Variants in GRXCR2 observed in about 807,000 individuals in gnomAD.
GRXCR2 encodes the protein glutaredoxin domain-containing cysteine-rich protein 2.
Under a neutral mutation model 24.8 loss-of-function variants are expected in GRXCR2, and 23 were observed. The ratio of observed to expected loss-of-function variants is 0.93; its 90% CI spans 0.67 to 1.32. The LOEUF is 1.32. Among genes scored for constraint, GRXCR2 ranks in the 40% most tolerant of loss-of-function variants. GRXCR2 has a pLI of 0.00. For missense variants in GRXCR2, 315 were observed against 303.4 expected, an observed-to-expected ratio of 1.04 and a Z score of -0.28; for synonymous variants, 130 against 116.1, an observed-to-expected ratio of 1.12 and a Z score of -0.77.
At chr5:145,885,771 G>A (rs148767229) in intron 2 of GRXCR2, among the ~76,000 whole-genome samples, 2 of 152,204 alleles carry the variant, frequency 1.3e-5, no homozygotes, top group African/African-American at 2.4e-5. Flanking sequence ...TCAGTATTCC[G>A]AGGAAAATAG....
intron 2 of GRXCR2, among the ~76,000 whole-genome samples, chr5:145,929,198 CCTATATATATATAT>C (rs564685026): frequency 0.011 from 991 of 88,390 alleles, 40 homozygotes; most frequent in Non-Finnish European, 0.016. Context: ...AATATTCCCC[CCTATATATATATAT>C]ATATATATAT....
chr5:145,901,637 G>C (rs1030303522), intron 2 of GRXCR2, among the ~76,000 whole-genome samples: 30 of 152,110 alleles, frequency 2.0e-4, no homozygotes, highest in African/African-American at 7.0e-4. Flanking sequence ...GGGGTAAATT[G>C]CAACTAAAAA....
chr5:145,917,258 C>T (rs762616100), intron 2 of GRXCR2, among the ~76,000 whole-genome samples: 32 of 151,724 alleles, frequency 2.1e-4, no homozygotes, highest in Admixed American at 5.3e-4. Flanking sequence ...AAGGCACACA[C>T]GGCTCAGAAA....
Position 145,917,879 on chromosome 5 carries a change from A to G in GRXCR2, c.-70+17822T>C, listed in dbSNP as rs28547334. On this transcript the variant is annotated intron_variant, in intron 2 of 3. Coordinates refer to the GRXCR2 transcript ENST00000639411. The stretch of plus-strand genomic sequence containing the variant: ...ACTGCAACCTCCGCCTCCTGGGTTC[A>G]AGTGATTCTCCTGCCTCAGCCTCCC... Among the ~76,000 whole-genome samples the G allele has an allele frequency of 2.4e-3, 365 of 152,324 alleles. 1 individual carries two copies. The highest frequency in any genetic ancestry group is 8.2e-3 in the African/African-American group (343 of 41,578).
chr5:145,868,390 C>T (rs1021230004), intron 1 of GRXCR2, among the ~76,000 whole-genome samples: 1 of 152,166 alleles, frequency 6.6e-6, no homozygotes, highest in African/African-American at 2.4e-5. Context: ...AATATTCAGG[C>T]TCTCTTTCTT....
At chr5:145,882,575 G>C (rs905553043) in intron 2 of GRXCR2, among the ~76,000 whole-genome samples, 4 of 152,182 alleles carry the variant, frequency 2.6e-5, no homozygotes, top group African/African-American at 7.2e-5. Flanking sequence ...CTGTTGGTGG[G>C]ACTGTAAACT....
At chr5:145,869,901 T>G (rs1358465191) in intron 1 of GRXCR2, among the ~76,000 whole-genome samples, 1 of 152,044 alleles carries the variant, frequency 6.6e-6, no homozygotes, top group African/African-American at 2.4e-5. Context: ...CAACAACTCT[T>G]AAGCAACTCC....
intron 2 of GRXCR2, among the ~76,000 whole-genome samples, chr5:145,913,805 G>T (rs7714798): frequency 6.6e-6 from 1 of 152,016 alleles, no homozygotes; most frequent in East Asian, 1.9e-4. Flanking sequence ...TTACAGGCAG[G>T]CATGAGACCA....
chr5:145,909,955 A>T (rs999207750), intron 2 of GRXCR2, among the ~76,000 whole-genome samples: 2 of 152,162 alleles, frequency 1.3e-5, no homozygotes, highest in Non-Finnish European at 2.9e-5. Context: ...ACGATCAGAC[A>T]CGATTTCTCC....
intron 2 of GRXCR2, among the ~76,000 whole-genome samples, chr5:145,917,985 G>T (rs998581159): frequency 6.6e-6 from 1 of 152,096 alleles, no homozygotes; most frequent in Admixed American, 6.6e-5. Context: ...TCACCATGTT[G>T]GCCAGGATGG....
At chr5:145,895,199 G>T (rs13190595) in intron 2 of GRXCR2, among the ~76,000 whole-genome samples, 3,180 of 152,056 alleles carry the variant, frequency 0.021, 40 homozygotes, top group Middle Eastern at 0.048. Flanking sequence ...GCAAAAACTG[G>T]AAGCATTCCC....
chr5:145,876,949 C>T (rs975116427), upstream of GRXCR2, among the ~76,000 whole-genome samples: 1 of 151,988 alleles, frequency 6.6e-6, no homozygotes, highest in Admixed American at 6.6e-5. Flanking sequence ...GAAATCATGG[C>T]AAAATGCTAG....
intron 2 of GRXCR2, among the ~76,000 whole-genome samples, chr5:145,928,145 T>A (rs1258024576): frequency 6.6e-6 from 1 of 151,644 alleles, no homozygotes; most frequent in Non-Finnish European, 1.5e-5. Context: ...AACAGACACA[T>A]GAAAAAATGC....
intron 2 of GRXCR2, among the ~76,000 whole-genome samples, chr5:145,909,165 C>A (rs1757130011): frequency 6.6e-6 from 1 of 152,188 alleles, no homozygotes; most frequent in African/African-American, 2.4e-5. Flanking sequence ...TCATACTCAA[C>A]AACTATTGGC....
chr5:145,861,991 A>G (rs1216551464), intron 2 of GRXCR2, among the ~76,000 whole-genome samples: 1 of 152,218 alleles, frequency 6.6e-6, no homozygotes, highest in Non-Finnish European at 1.5e-5. Context: ...ATTGATTGCT[A>G]CCATATTTTA....
intron 2 of GRXCR2, among the ~76,000 whole-genome samples, chr5:145,920,918 A>G (rs1757312357): frequency 6.6e-6 from 1 of 152,248 alleles, no homozygotes; most frequent in African/African-American, 2.4e-5. Flanking sequence ...CAAGGTAAAG[A>G]TGCCATCTAT....
chr5:145,908,887 C>T (rs926545191), intron 2 of GRXCR2, among the ~76,000 whole-genome samples: 9 of 152,130 alleles, frequency 5.9e-5, no homozygotes, highest in Admixed American at 1.3e-4. Context: ...CTGCAGGCAC[C>T]GGGCTAGGTA....
intron 2 of GRXCR2, among the ~76,000 whole-genome samples, chr5:145,895,258 C>T (rs554158992): frequency 3.3e-5 from 5 of 151,960 alleles, no homozygotes; most frequent in African/African-American, 9.7e-5. Context: ...CACTCCTATT[C>T]AACATAGTGT....
At chr5:145,912,959 A>T (rs1757187372) in intron 2 of GRXCR2, among the ~76,000 whole-genome samples, 1 of 152,244 alleles carries the variant, frequency 6.6e-6, no homozygotes, top group Non-Finnish European at 1.5e-5. Flanking sequence ...GCTCTGATTT[A>T]CATTTTTAAA....
Sources: allele counts gnomAD v4.1 joint callset (sites outside exome capture counted in the v4.1 genomes callset), GRCh38; gene constraint gnomAD v4.1.1; transcripts MANE v1.5; gene names NCBI Gene and HGNC (gene_info 2026-07-23, HGNC 2026-07-21).